PRKCA: variants seen among roughly 807,000 people sequenced by gnomAD.
The protein encoded by PRKCA is protein kinase C alpha.
A neutral mutation model predicts 87.0 loss-of-function variants in PRKCA; 27 were observed. The ratio of observed to expected loss-of-function variants is 0.31; its 90% confidence interval spans 0.23 to 0.43. The LOEUF (loss-of-function observed/expected upper bound fraction) is 0.43. Among genes scored for constraint, PRKCA ranks in the 20% least tolerant of loss-of-function variants. PRKCA has a pLI of 1.00. For missense variants in PRKCA, 518 were observed against 852.3 expected (o/e 0.61, Z 4.88); for synonymous variants, 329 against 311.1 (o/e 1.06, Z -0.61).
intron 2 of PRKCA, among the ~76,000 whole-genome samples, chr17:66,370,702 C>T (rs550223822): frequency 6.6e-6 from 1 of 151,922 alleles, no homozygotes; most frequent in East Asian, 1.9e-4. Flanking sequence ...AGGTGCATGC[C>T]ACCATGCCCG....
chr17:66,777,215 C>T (rs989187672), intron 14 of PRKCA: 3 of 985,400 alleles, frequency 3.0e-6, no homozygotes, highest in Non-Finnish European at 3.6e-6. Context: ...TGACCATGAA[C>T]GTCATCTCCA....
intron 14 of PRKCA, chr17:66,775,387 A>C (rs1211609354): frequency 1.0e-6 from 1 of 984,592 alleles, no homozygotes; most frequent in African/African-American, 1.7e-5. Flanking sequence ...GGCATGTATC[A>C]CTTCTGCCTA....
intron 2 of PRKCA, among the ~76,000 whole-genome samples, chr17:66,461,077 A>G (rs1409918236): frequency 6.6e-6 from 1 of 151,886 alleles, no homozygotes; most frequent in African/African-American, 2.4e-5. Flanking sequence ...GTGATAGTAC[A>G]CGCCTGTAGT....
chr17:66,633,068 C>G (rs1971064754), intron 3 of PRKCA, among the ~76,000 whole-genome samples: 1 of 152,152 alleles, frequency 6.6e-6, no homozygotes, highest in African/African-American at 2.4e-5. Context: ...AAGGAAACAT[C>G]CAACAAGATC....
At chr17:66,465,636 C>T (rs952642244) in intron 2 of PRKCA, among the ~76,000 whole-genome samples, 2 of 151,832 alleles carry the variant, frequency 1.3e-5, no homozygotes, top group Non-Finnish European at 2.9e-5. Flanking sequence ...TGAGCTTGAG[C>T]AGTCCTCCCA....
chr17:66,617,708 T>C (rs1395863396), intron 3 of PRKCA, among the ~76,000 whole-genome samples: 1 of 152,184 alleles, frequency 6.6e-6, no homozygotes, highest in Non-Finnish European at 1.5e-5. Context: ...CAGCACTCCA[T>C]AGAACTGCTT....
chr17:66,744,203 T>C (rs986077560), intron 13 of PRKCA, among the ~76,000 whole-genome samples: 2 of 152,162 alleles, frequency 1.3e-5, no homozygotes, highest in Non-Finnish European at 2.9e-5. Context: ...GCTGCATAAC[T>C]TACTGGGATT....
At chr17:66,770,216 T>C (rs748081630) in intron 13 of PRKCA, among the ~76,000 whole-genome samples, 5 of 152,248 alleles carry the variant, frequency 3.3e-5, no homozygotes, top group African/African-American at 1.2e-4. Context: ...CAGTCACTTA[T>C]CTATTTATTC....
intron 8 of PRKCA, among the ~76,000 whole-genome samples, chr17:66,729,255 T>A (rs1018305534): frequency 6.6e-6 from 1 of 151,886 alleles, no homozygotes; most frequent in Non-Finnish European, 1.5e-5. Flanking sequence ...TAAAAAAAAA[T>A]TAGCTTGGTT....
At chr17:66,476,490 T>C (rs1370216420) in intron 2 of PRKCA, among the ~76,000 whole-genome samples, 1 of 152,180 alleles carries the variant, frequency 6.6e-6, no homozygotes, top group African/African-American at 2.4e-5. Context: ...GGTCTAATCC[T>C]GCCAGAGCCT....
At chr17:66,692,393 T>C (rs2144052478) in intron 8 of PRKCA, among the ~76,000 whole-genome samples, 1 of 152,340 alleles carries the variant, frequency 6.6e-6, no homozygotes, top group East Asian at 1.9e-4. Context: ...GCTGCCATGC[T>C]TCATTTTAAA....
chr17:66,462,720 A>C (rs986040575), intron 2 of PRKCA, among the ~76,000 whole-genome samples: 1 of 152,028 alleles, frequency 6.6e-6, no homozygotes, highest in Non-Finnish European at 1.5e-5. Flanking sequence ...AAACACGAAC[A>C]CCCCTACCTC....
At chr17:66,564,904 C>T (rs988085487) in intron 3 of PRKCA, among the ~76,000 whole-genome samples, 10 of 152,226 alleles carry the variant, frequency 6.6e-5, no homozygotes, top group Admixed American at 5.9e-4. Flanking sequence ...CGCTTGAACC[C>T]GGTTGGCAGA....
intron 13 of PRKCA, among the ~76,000 whole-genome samples, chr17:66,752,263 T>G (rs1019053011): frequency 2.0e-5 from 3 of 152,202 alleles, no homozygotes; most frequent in Non-Finnish European, 4.4e-5. Context: ...AATTATCTAT[T>G]GATGTGTAAT....
At chr17:66,525,775 ACTC>A (rs1470844341) in intron 3 of PRKCA, among the ~76,000 whole-genome samples, 1 of 151,966 alleles carries the variant, frequency 6.6e-6, no homozygotes, top group Non-Finnish European at 1.5e-5. Context: ...TGGAAAATAA[ACTC>A]CTGACTTCAT....
chr17:66,793,751 A>G (rs937790898), intron 16 of PRKCA, among the ~76,000 whole-genome samples: 1 of 152,130 alleles, frequency 6.6e-6, no homozygotes, highest in Non-Finnish European at 1.5e-5. Context: ...GTGAGCGTGG[A>G]GGCACTGTGG....
intron 2 of PRKCA, among the ~76,000 whole-genome samples, chr17:66,390,790 G>C (rs1910317415): frequency 6.6e-6 from 1 of 152,198 alleles, no homozygotes; most frequent in African/African-American, 2.4e-5. Context: ...ATTCCCTATG[G>C]GGTGAGCAGC....
chr17:66,518,564 A>T (rs1967049024), intron 3 of PRKCA, among the ~76,000 whole-genome samples: 2 of 152,164 alleles, frequency 1.3e-5, no homozygotes, highest in Admixed American at 1.3e-4. Flanking sequence ...TTTTTACGAG[A>T]ATCTTCTTAG....
chr17:66,584,123 G>A (rs1335239324), intron 3 of PRKCA, among the ~76,000 whole-genome samples: 1 of 152,186 alleles, frequency 6.6e-6, no homozygotes, highest in Non-Finnish European at 1.5e-5. Flanking sequence ...AAGCAAGTCT[G>A]TGAGGTAAAG....
Sources: gnomAD v4.1 joint callset for allele counts (sites outside exome capture counted in the v4.1 genomes callset) on GRCh38, gnomAD v4.1.1 for gene constraint, MANE v1.5 for transcripts, NCBI Gene and HGNC (gene_info 2026-07-23, HGNC 2026-07-21) for gene names.